The following WIPF3 variants were observed in gnomAD, a reference collection of about 807,000 sequenced individuals.
WIPF3 encodes WAS/WASL-interacting protein family member 3.
Under a neutral mutation model 38.9 loss-of-function variants are expected in WIPF3, and 33 were observed. The observed-to-expected ratio is 0.85, with a 90% confidence interval of 0.64 to 1.14. WIPF3 has a LOEUF of 1.14. WIPF3 is among the 50% of genes most tolerant of loss of function. The probability of loss-of-function intolerance (pLI) is 0.00; values close to 1 mark genes in which losing one functional copy is unlikely to be tolerated. For missense variants in WIPF3, 711 were observed against 652.5 expected, an observed-to-expected ratio of 1.09 and a Z score of -0.98; for synonymous variants, 324 against 269.3, an observed-to-expected ratio of 1.20 and a Z score of -1.99.
chr7:29,812,384 A>T (rs1442192303), intron 1 of WIPF3, among the ~76,000 whole-genome samples: 2 of 152,136 alleles, frequency 1.3e-5, no homozygotes, highest in Non-Finnish European at 2.9e-5. Context: ...GCTATCTGAG[A>T]CCAGTATCCA....
At chr7:29,820,560 C>A (rs1784520146) in intron 1 of WIPF3, among the ~76,000 whole-genome samples, 1 of 152,006 alleles carries the variant, frequency 6.6e-6, no homozygotes, top group African/African-American at 2.4e-5. Flanking sequence ...TAGCAATCCC[C>A]TTTATAATGA....
chr7:29,891,537 G>A (rs1336283604), intron 7 of WIPF3, among the ~76,000 whole-genome samples: 3 of 152,194 alleles, frequency 2.0e-5, no homozygotes, highest in African/African-American at 7.2e-5. Context: ...CAGTATGAAG[G>A]AGGATGGAGG....
intron 2 of WIPF3, among the ~76,000 whole-genome samples, chr7:29,871,777 A>G (rs562171125): frequency 7.2e-5 from 11 of 152,210 alleles, no homozygotes; most frequent in African/African-American, 2.6e-4. Flanking sequence ...TTTTTATTCT[A>G]TCCTTGACTT....
At chr7:29,897,686 A>G (rs914924952) in intron 7 of WIPF3, among the ~76,000 whole-genome samples, 2 of 152,232 alleles carry the variant, frequency 1.3e-5, no homozygotes, top group Non-Finnish European at 2.9e-5. Context: ...TTCATGTCAT[A>G]AAAATTAAAG....
At chr7:29,912,716 A>G (rs942156167) in intron 8 of WIPF3, 5 of 155,854 alleles carry the variant, frequency 3.2e-5, no homozygotes, top group African/African-American at 1.2e-4. Context: ...TGATACACGC[A>G]TGTACAGTGG....
chr7:29,891,669 G>A lies in WIPF3; in HGVS notation c.1351+2262G>A, dbSNP rs143514175. 3.5e-3 allele frequency among the ~76,000 whole-genome samples: 539 copies of A among 152,250 alleles called. 4 individuals are homozygous for A. The highest frequency in any genetic ancestry group is 0.012 in the African/African-American group (494 of 41,524). On this transcript the variant is annotated intron_variant, in intron 7 of 8. Coordinates refer to ENST00000242140, the MANE Select transcript of WIPF3 (RefSeq NM_001080529.3). ...CGCTCACATGAACCGCCTGTCATAC[G>A]GCAGGCACCCTGTAGGCACCAGAGG...
At position 29,872,640 on chromosome 7, in the gene WIPF3, CA is replaced by C. The variant is rs1445796916; in HGVS notation, c.91-3184del. 1.4e-4 allele frequency among the ~76,000 whole-genome samples: 21 copies of C among 151,554 alleles called. 1 individual carries two copies. Among genetic ancestry groups the C allele is most frequent in the Admixed American group, 1.3e-3 (20 of 15,212 alleles). On this transcript the variant is annotated intron_variant, in intron 2 of 8. Transcript: ENST00000242140. ...AACCCCGTCTCTACTAAAAAAAATACAAAAAATTAGCCGGGCGTGGTGGCGG... is the reference window on the plus strand; with the variant it reads ...AACCCCGTCTCTACTAAAAAAAATACAAAAATTAGCCGGGCGTGGTGGCGG...
intron 2 of WIPF3, among the ~76,000 whole-genome samples, chr7:29,850,267 A>G (rs1043390947): frequency 1.3e-5 from 2 of 152,248 alleles, no homozygotes; most frequent in African/African-American, 4.8e-5. Context: ...AAAAACCAAA[A>G]GCAATGGTTG....
chr7:29,815,535 C>G (rs1345919978), intron 1 of WIPF3, among the ~76,000 whole-genome samples: 1 of 152,082 alleles, frequency 6.6e-6, no homozygotes, highest in African/African-American at 2.4e-5. Context: ...TTACATGTAT[C>G]TAAAAAAGAC....
chr7:29,833,909 A>T (rs748454527), intron 1 of WIPF3, among the ~76,000 whole-genome samples: 1 of 152,234 alleles, frequency 6.6e-6, no homozygotes, highest in African/African-American at 2.4e-5. Context: ...ACATGCCCAC[A>T]TACACACATA....
At chr7:29,843,868 G>A (rs554301226) in intron 2 of WIPF3, among the ~76,000 whole-genome samples, 3 of 152,212 alleles carry the variant, frequency 2.0e-5, no homozygotes, top group South Asian at 2.1e-4. Flanking sequence ...TGCCCAGGGA[G>A]GAAAAGCTCT....
chr7:29,841,839 A>G (rs1358148587), intron 2 of WIPF3, among the ~76,000 whole-genome samples: 3 of 152,186 alleles, frequency 2.0e-5, no homozygotes, highest in Admixed American at 6.5e-5. Flanking sequence ...TATCAATGTC[A>G]AAATTGCCCA....
At chr7:29,876,392 A>G (rs564373708) in intron 3 of WIPF3, among the ~76,000 whole-genome samples, 5 of 152,198 alleles carry the variant, frequency 3.3e-5, no homozygotes, top group Non-Finnish European at 7.3e-5. Flanking sequence ...GTCATTCCCC[A>G]TTAGTCCCTG....
At chr7:29,827,469 G>T (rs1199247896) in intron 1 of WIPF3, among the ~76,000 whole-genome samples, 1 of 152,192 alleles carries the variant, frequency 6.6e-6, no homozygotes, top group East Asian at 1.9e-4. Flanking sequence ...CATTTACGTT[G>T]AGAACCCTTT....
chr7:29,899,694 C>T (rs1786232251), intron 7 of WIPF3, among the ~76,000 whole-genome samples: 1 of 152,142 alleles, frequency 6.6e-6, no homozygotes, highest in Non-Finnish European at 1.5e-5. Context: ...GTAACCATTA[C>T]AAAATGGGGC....
chr7:29,870,957 C>CAAA (rs397736411), intron 2 of WIPF3, among the ~76,000 whole-genome samples: 2 of 132,962 alleles, frequency 1.5e-5, no homozygotes, highest in African/African-American at 6.0e-5. Flanking sequence ...ACCCCATCTC[C>CAAA]AAAAAAAAAA....
chr7:29,851,961 G>T (rs923353277), intron 2 of WIPF3, among the ~76,000 whole-genome samples: 1 of 151,932 alleles, frequency 6.6e-6, no homozygotes, highest in Non-Finnish European at 1.5e-5. Flanking sequence ...CTCCTCTAAA[G>T]CTTTTTATTT....
At chr7:29,888,645 T>C (rs1740055427) in intron 6 of WIPF3, among the ~76,000 whole-genome samples, 1 of 151,712 alleles carries the variant, frequency 6.6e-6, no homozygotes, top group South Asian at 2.1e-4. Context: ...AGTATGGAGG[T>C]AGGAAGGAAA....
chr7:29,878,878 A>G lies in WIPF3; in HGVS notation c.224-131A>G, dbSNP rs1785659543. 1.9e-6 allele frequency: 2 copies of G among 1,053,884 alleles called. No homozygotes were observed. Among genetic ancestry groups the G allele is most frequent in the East Asian group, 2.7e-5 (1 of 37,418 alleles). 65.3% of individuals were successfully genotyped at this position (1,053,884 alleles called of 1,614,324 possible). ...GGGGAGGATGCTGAGTGAAAGGATG[A>G]CATTGGAGGTGGGAGAATGGGAAGG... On this transcript the variant is annotated intron_variant, in intron 3 of 8. Coordinates refer to ENST00000242140, the MANE Select transcript of WIPF3 (RefSeq NM_001080529.3). This position sits in a 1 kb window ranked among gnomAD's most constrained non-coding sequence, Gnocchi z 4.0.
Sources: gnomAD v4.1 joint callset for allele counts (sites outside exome capture counted in the v4.1 genomes callset) on GRCh38, gnomAD v4.1.1 for gene constraint, Gnocchi (gnomAD v3.1) non-coding constraint, MANE v1.5 for transcripts, NCBI Gene and HGNC (gene_info 2026-07-23, HGNC 2026-07-21) for gene names.